The following SLC24A3 variants were observed in gnomAD, a reference collection of about 807,000 sequenced individuals.
SLC24A3 encodes sodium/potassium/calcium exchanger 3.
In SLC24A3, 28 loss-of-function variants were observed where a neutral mutation model predicts 75.8. The observed-to-expected ratio is 0.37, with a 90% CI of 0.27 to 0.51. The LOEUF (loss-of-function observed/expected upper bound fraction) is 0.51. SLC24A3 is among the 20% of genes least tolerant of loss of function. SLC24A3 has a pLI of 0.94. For synonymous variants in SLC24A3, 372 were observed against 334.1 expected, an observed-to-expected ratio of 1.11 and a Z score of -1.24; for missense variants, 663 against 847.8, an observed-to-expected ratio of 0.78 and a Z score of 2.71.
chr20:19,587,723 C>A (rs986770436), intron 6 of SLC24A3, among the ~76,000 whole-genome samples: 3 of 152,134 alleles, frequency 2.0e-5, no homozygotes, highest in African/African-American at 7.2e-5. Flanking sequence ...GCTGTGGAAC[C>A]CTGGAGAAGT....
At chr20:19,316,041 A>G (rs1046680551) in intron 2 of SLC24A3, among the ~76,000 whole-genome samples, 1 of 152,110 alleles carries the variant, frequency 6.6e-6, no homozygotes, top group African/African-American at 2.4e-5. Context: ...TGCAGAATGC[A>G]CTGGTAATAG....
chr20:19,712,095 C>T lies in SLC24A3; in HGVS notation c.1720-5433C>T, dbSNP rs183680237. On this transcript the variant is annotated intron_variant, in intron 15 of 16. Transcript: ENST00000328041. ...TCAAGTAGCTGGGACTATAGAGACACTCCAACAGAACTGGCTAATTTTTAT... is the reference window on the plus strand; with the variant it reads ...TCAAGTAGCTGGGACTATAGAGACATTCCAACAGAACTGGCTAATTTTTAT... Among the ~76,000 whole-genome samples, 321 of 152,206 alleles carry T rather than the reference C, an allele frequency of 2.1e-3. 1 individual carries two copies. Among genetic ancestry groups the T allele is most frequent in the African/African-American group, 7.4e-3 (307 of 41,542 alleles).
intron 2 of SLC24A3, among the ~76,000 whole-genome samples, chr20:19,461,045 C>T (rs1987662267): frequency 6.6e-6 from 1 of 152,190 alleles, no homozygotes; most frequent in Non-Finnish European, 1.5e-5. Context: ...TCCCATAGCA[C>T]ATTGAGGTCT....
chr20:19,566,900 A>G (rs1266410649), intron 3 of SLC24A3, among the ~76,000 whole-genome samples: 2 of 152,240 alleles, frequency 1.3e-5, no homozygotes, highest in African/African-American at 2.4e-5. Flanking sequence ...CAACAAGCGC[A>G]TGAAAAATGC....
At chr20:19,510,570 T>G (rs936732548) in intron 2 of SLC24A3, among the ~76,000 whole-genome samples, 5 of 152,188 alleles carry the variant, frequency 3.3e-5, no homozygotes, top group African/African-American at 1.2e-4. Context: ...ATGATGGTAT[T>G]TGGAGATGGG....
In SLC24A3 at chr20:19,438,971, G is replaced by A. The variant is rs57295479; in HGVS notation, c.272-76517G>A. On this transcript the variant is annotated intron_variant, in intron 2 of 16. Transcript: ENST00000328041. The stretch of plus-strand genomic sequence containing the variant: ...CTGTAAATCATGCCCAGAGTCAAGC[G>A]CATGGTGAGACAAGTGCATACCCGG... 1.2e-3 allele frequency among the ~76,000 whole-genome samples: 190 copies of A among 152,348 alleles called. 4 individuals carry two copies. In the East Asian group the frequency reaches 0.027, roughly 21 times the overall value.
chr20:19,425,343 A>C lies in SLC24A3; in HGVS notation c.272-90145A>C, dbSNP rs1018906614. 3.3e-5 allele frequency among the ~76,000 whole-genome samples: 5 copies of C among 151,664 alleles called. No individual in the cohort carries two copies. The East Asian group carries it at 9.7e-4, about 29-fold the overall frequency. On this transcript the variant is annotated intron_variant, in intron 2 of 16. Coordinates refer to ENST00000328041, the MANE Select transcript of SLC24A3 (RefSeq NM_020689.4). ...AATTACTGGGGACATTGGCTCTTTT[A>C]TCTCTTTTAATGACCAGCCCCCGGC... is the stretch of plus-strand genomic sequence containing the variant.
intron 2 of SLC24A3, among the ~76,000 whole-genome samples, chr20:19,330,961 C>A (rs984123214): frequency 5.3e-5 from 8 of 152,144 alleles, no homozygotes; most frequent in Non-Finnish European, 1.0e-4. Context: ...ACCAGAAAAA[C>A]CCCCAATGAG....
At chr20:19,663,304 C>T (rs551125108) in intron 7 of SLC24A3, among the ~76,000 whole-genome samples, 1 of 150,390 alleles carries the variant, frequency 6.6e-6, no homozygotes, top group African/African-American at 2.5e-5. Flanking sequence ...TGAGTCCTCT[C>T]ATTCCTCCAC....
At chr20:19,215,164 G>C (rs1981519242) in intron 1 of SLC24A3, among the ~76,000 whole-genome samples, 1 of 152,154 alleles carries the variant, frequency 6.6e-6, no homozygotes, top group Admixed American at 6.5e-5. Context: ...TTTGCAAGGG[G>C]AATTGTCGTT....
rs374999486 is a variant in SLC24A3, at chr20:19,567,921, C to G, written c.349-12079C>G. ...TAATATCCAGAATATATAAAGAGCCCTTACAAGCCAACAACCAAAAAACAA... is the reference window on the plus strand; with the variant it reads ...TAATATCCAGAATATATAAAGAGCCGTTACAAGCCAACAACCAAAAAACAA... On this transcript the variant is annotated intron_variant, in intron 3 of 16. Coordinates refer to ENST00000328041, the MANE Select transcript of SLC24A3 (RefSeq NM_020689.4). 6.6e-5 allele frequency among the ~76,000 whole-genome samples: 10 copies of G among 152,238 alleles called. 2 individuals are homozygous for G.
chr20:19,401,736 A>G lies in SLC24A3; in HGVS notation c.272-113752A>G, dbSNP rs149852107. Among the ~76,000 whole-genome samples the G allele has an allele frequency of 3.3e-5, 5 of 152,354 alleles. No homozygotes were observed. In the East Asian group the frequency reaches 5.8e-4, roughly 18 times the overall value. ...CATGTTTTGCCTGTCGAGTAGAAGCATGAAAGTGTAGAGAAATAATGCCCT... is the reference window on the plus strand; with the variant it reads ...CATGTTTTGCCTGTCGAGTAGAAGCGTGAAAGTGTAGAGAAATAATGCCCT... On this transcript the variant is annotated intron_variant, in intron 2 of 16. Coordinates refer to ENST00000328041, the MANE Select transcript of SLC24A3 (RefSeq NM_020689.4).
chr20:19,713,265 T>C (rs1050247780), intron 15 of SLC24A3, among the ~76,000 whole-genome samples: 23 of 152,108 alleles, frequency 1.5e-4, no homozygotes, highest in Non-Finnish European at 2.9e-5. Context: ...AATAAGATGG[T>C]ATAATTCTTC....
chr20:19,235,149 A>G (rs1277487430), intron 1 of SLC24A3, among the ~76,000 whole-genome samples: 1 of 152,266 alleles, frequency 6.6e-6, no homozygotes, highest in Admixed American at 6.5e-5. Flanking sequence ...GGCACAAGGC[A>G]TGCCCTGCAT....
chr20:19,644,980 G>T (rs2032118833), intron 6 of SLC24A3, among the ~76,000 whole-genome samples: 5 of 152,364 alleles, frequency 3.3e-5, no homozygotes, highest in African/African-American at 1.2e-4. Context: ...CACATGAGCT[G>T]TATCTGTGAT....
At chr20:19,477,674 G>A (rs576324635) in intron 2 of SLC24A3, among the ~76,000 whole-genome samples, 16 of 152,244 alleles carry the variant, frequency 1.1e-4, no homozygotes, top group African/African-American at 2.9e-4. Flanking sequence ...CCTGGCATGA[G>A]GGTGCCATGT....
At chr20:19,536,302 C>A (rs1335240194) in intron 3 of SLC24A3, among the ~76,000 whole-genome samples, 1 of 152,100 alleles carries the variant, frequency 6.6e-6, no homozygotes, top group East Asian at 1.9e-4. Flanking sequence ...TTAGCAAGTG[C>A]AAGCAAGGTT....
intron 12 of SLC24A3, among the ~76,000 whole-genome samples, chr20:19,685,877 C>G (rs542704982): frequency 6.6e-6 from 1 of 152,066 alleles, no homozygotes; most frequent in African/African-American, 2.4e-5. Context: ...TCAGGCATCA[C>G]GATGAAGGAG....
chr20:19,447,609 G>T lies in SLC24A3; in HGVS notation c.272-67879G>T, dbSNP rs74767761. ...ACAAATAAATAGAAACAGGAAGATG[G>T]CAGGTTTACCATCATTGGAAGTATT... is the stretch of plus-strand genomic sequence containing the variant. On this transcript the variant is annotated intron_variant, in intron 2 of 16. Transcript: ENST00000328041. 1.3e-3 allele frequency among the ~76,000 whole-genome samples: 197 copies of T among 152,276 alleles called. 1 individual carries two copies. The highest frequency in any genetic ancestry group is 0.01 in the Middle Eastern group (3 of 294).
Sources: allele counts gnomAD v4.1 joint callset (sites outside exome capture counted in the v4.1 genomes callset), GRCh38; gene constraint gnomAD v4.1.1; transcripts MANE v1.5; gene names NCBI Gene and HGNC (gene_info 2026-07-23, HGNC 2026-07-21).